Variants in LRP6 observed in about 807,000 individuals in gnomAD.
The protein encoded by LRP6 is LDL receptor related protein 6.
LRP6 carries 43 observed loss-of-function variants against 184.1 expected under a neutral mutation model. The ratio of observed to expected loss-of-function variants is 0.23; its 90% CI spans 0.18 to 0.30. The LOEUF is 0.30. LRP6 is among the 10% of genes least tolerant of loss of function. The pLI is 1.00. For missense variants in LRP6, 1,571 were observed against 2,005.3 expected (o/e 0.78, Z 4.14); for synonymous variants, 719 against 684.9 (o/e 1.05, Z -0.78).
chr12:12,175,669 C>T (rs964234798), intron 7 of LRP6, among the ~76,000 whole-genome samples: 18 of 150,550 alleles, frequency 1.2e-4, no homozygotes, highest in Non-Finnish European at 1.9e-4. Flanking sequence ...CCAGCCTGGA[C>T]GACAGAGCGA....
At chr12:12,205,329 CAAAAAAAAAAAAAAAAA>C (rs56169717) in intron 2 of LRP6, among the ~76,000 whole-genome samples, 1 of 39,106 alleles carries the variant, frequency 2.6e-5, no homozygotes, top group Non-Finnish European at 5.5e-5. Context: ...CTCAAACAAA[CAAAAAAAAAAAAAAAAA>C]AAAAAAAAAA....
intron 1 of LRP6, among the ~76,000 whole-genome samples, chr12:12,260,194 T>C (rs957009965): frequency 4.6e-5 from 7 of 151,856 alleles, no homozygotes; most frequent in Admixed American, 1.3e-4. Flanking sequence ...CTGGCTAACA[T>C]GGTGAAACCC....
chr12:12,228,988 A>AG (rs1307591721), intron 2 of LRP6, among the ~76,000 whole-genome samples: 1 of 152,252 alleles, frequency 6.6e-6, no homozygotes, highest in Non-Finnish European at 1.5e-5. Context: ...GACATGGTAC[A>AG]GGGATGTGAT....
intron 14 of LRP6, 24 bp from the exon 15 acceptor site, chr12:12,147,580 T>A (rs200871256): frequency 6.4e-7 from 1 of 1,573,028 alleles, no homozygotes; most frequent in East Asian, 2.2e-5. Flanking sequence ...AGGAAAAAAA[T>A]AAGTTACTGG....
chr12:12,188,324 T>C (rs1449228142), intron 3 of LRP6, among the ~76,000 whole-genome samples: 1 of 151,558 alleles, frequency 6.6e-6, no homozygotes, highest in African/African-American at 2.4e-5. Context: ...TTTTCATAAA[T>C]CCAAGTTTCC....
At chr12:12,201,849 T>C (rs1411478952) in intron 3 of LRP6, among the ~76,000 whole-genome samples, 2 of 152,218 alleles carry the variant, frequency 1.3e-5, no homozygotes, top group Non-Finnish European at 1.5e-5. Context: ...CATTTCACTC[T>C]TTTTTGAAAG....
chr12:12,127,867 A>T (rs528720776), intron 19 of LRP6, among the ~76,000 whole-genome samples: 1 of 152,210 alleles, frequency 6.6e-6, no homozygotes, highest in African/African-American at 2.4e-5. Context: ...ATATGAAAGA[A>T]ATGCGTGAAA....
At chr12:12,241,150 A>G (rs1315375243) in intron 2 of LRP6, among the ~76,000 whole-genome samples, 2 of 152,170 alleles carry the variant, frequency 1.3e-5, no homozygotes, top group African/African-American at 4.8e-5. Context: ...CAGTCATTCA[A>G]TAGCTTTCCC....
At chr12:12,225,249 C>T (rs575357320) in intron 2 of LRP6, among the ~76,000 whole-genome samples, 20 of 152,180 alleles carry the variant, frequency 1.3e-4, no homozygotes, top group African/African-American at 4.6e-4. Flanking sequence ...GCTTGGAAAT[C>T]GTTACTCTAT....
chr12:12,136,574 G>T (rs980786777), intron 16 of LRP6, among the ~76,000 whole-genome samples: 1 of 152,214 alleles, frequency 6.6e-6, no homozygotes, highest in Non-Finnish European at 1.5e-5. Context: ...TGTTTAGCCT[G>T]TATTAAAAGC....
intron 7 of LRP6, among the ~76,000 whole-genome samples, chr12:12,176,844 T>G (rs1863196412): frequency 2.1e-4 from 1 of 4,802 alleles, no homozygotes; most frequent in Non-Finnish European, 3.7e-4. Flanking sequence ...GAGCCCAAAC[T>G]TTTTTTTTTT....
At chr12:12,231,180 C>CAAAAAAAAAAAAAAAAAAAAAAA (rs10661340) in intron 2 of LRP6, among the ~76,000 whole-genome samples, 1 of 23,558 alleles carries the variant, frequency 4.2e-5, no homozygotes, top group Non-Finnish European at 6.6e-5. Flanking sequence ...GACTCCATCT[C>CAAAAAAAAAAAAAAAAAAAAAAA]AAAAAAAAAA....
At chr12:12,202,360 T>C (rs547570588) in intron 3 of LRP6, among the ~76,000 whole-genome samples, 4 of 152,218 alleles carry the variant, frequency 2.6e-5, no homozygotes, top group Admixed American at 1.3e-4. Flanking sequence ...CTGGGCAACA[T>C]GGTGAGACGC....
In LRP6 at chr12:12,203,217, C is replaced by G; in HGVS notation, c.633G>C (p.Leu211=). The G allele has an allele frequency of 1.2e-6, 2 of 1,609,084 alleles. No homozygotes were observed. The highest frequency in any genetic ancestry group is 4.5e-5 in the East Asian group (2 of 44,806). ...TGTAATCTTACCGATTTGTTCCATC[C>G]AGATTTGATTTGTGGATGAAATTAA... ...AKLNFIHKSN[L]DGTNRQAVVK... Residue 211 remains leucine, a synonymous_variant, in exon 3 of 23, where the codon CTG becomes CTC. Transcript: ENST00000261349.
At chr12:12,146,219 A>G (rs368530518) in intron 15 of LRP6, among the ~76,000 whole-genome samples, 2 of 152,178 alleles carry the variant, frequency 1.3e-5, no homozygotes, top group East Asian at 3.8e-4. Context: ...GCTATCTACA[A>G]AGGAAATCAC....
In LRP6 at chr12:12,237,537, G is replaced by GA. The variant is rs569048577; in HGVS notation, c.449+6724dup. Among the ~76,000 whole-genome samples the GA allele has an allele frequency of 2.6e-4, 40 of 151,084 alleles. No individual in the cohort carries two copies. In the South Asian group the frequency reaches 6.7e-3, roughly 25 times the overall value. On this transcript the variant is annotated intron_variant, in intron 2 of 22. Coordinates refer to ENST00000261349, the MANE Select transcript of LRP6 (RefSeq NM_002336.3). ...CAAGGGAAAAAACAGTAACTACAGTGAAAAAAAAACTAGCAGACAAAACCA... is the reference window on the plus strand; with the variant it reads ...CAAGGGAAAAAACAGTAACTACAGTGAAAAAAAAAACTAGCAGACAAAACCA...
chr12:12,262,515 G>A (rs1178957480), intron 1 of LRP6, among the ~76,000 whole-genome samples: 4 of 150,948 alleles, frequency 2.6e-5, no homozygotes, highest in South Asian at 2.1e-4. Flanking sequence ...CCAAGATCGC[G>A]GCACTGCACT....
intron 2 of LRP6, among the ~76,000 whole-genome samples, chr12:12,211,604 A>G (rs1053249602): frequency 6.6e-6 from 1 of 152,186 alleles, no homozygotes; most frequent in African/African-American, 2.4e-5. Flanking sequence ...GTCCCTCAAT[A>G]GGGATAATAA....
At chr12:12,154,013 G>A (rs1950116854) in intron 12 of LRP6, among the ~76,000 whole-genome samples, 1 of 152,186 alleles carries the variant, frequency 6.6e-6, no homozygotes. Context: ...CCTTAGCCAC[G>A]CCATACACCT....
Sources: gnomAD v4.1 joint callset for allele counts (sites outside exome capture counted in the v4.1 genomes callset) on GRCh38, gnomAD v4.1.1 for gene constraint, MANE v1.5 for transcripts, NCBI Gene and HGNC (gene_info 2026-07-23, HGNC 2026-07-21) for gene names.